SHANK2: variants seen among roughly 807,000 people sequenced by gnomAD.
SHANK2 encodes the protein SH3 and multiple ankyrin repeat domains 2, also known as SH3 and multiple ankyrin repeat domains protein 2.
SHANK2 carries 43 observed loss-of-function variants against 133.7 expected under a neutral mutation model. The ratio of observed to expected loss-of-function variants is 0.32; its 90% CI spans 0.25 to 0.41. The LOEUF (loss-of-function observed/expected upper bound fraction) is 0.41, where lower values mean the gene tolerates loss of function less well. Ranked by LOEUF, SHANK2 falls within the 10% of genes least tolerant of loss-of-function variation. The pLI is 1.00. For missense variants in SHANK2, 1,994 were observed against 2,235.8 expected (o/e 0.89, Z 2.18); for synonymous variants, 1,017 against 952.8 (o/e 1.07, Z -1.24).
At position 70,798,461 on chromosome 11, in the gene SHANK2, G is replaced by A. The variant is rs149996975; in HGVS notation, c.1759C>T (p.Pro587Ser). The change falls in exon 14 of 26, where the codon CCC becomes TCC. Residue 587 changes from proline (P) to serine (S), a missense_variant. Transcript: ENST00000601538. ...AECVEEVQCK[P>S]RDSQAETRAD... ...GCCTTACCTGCCTGGCTGTCCCTGG[G>A]CTTACACTGGACCTCCTCCACGCAC... The A allele has an allele frequency of 7.4e-4, 535 of 718,420 alleles. 1 individual carries two copies. Among genetic ancestry groups the A allele is most frequent in the Admixed American group, 3.5e-3 (174 of 50,024 alleles). The allele number at this position is 718,420 out of a possible 1,614,324, so 44.5% of individuals were successfully genotyped here. A position where few individuals can be genotyped will look rare whatever the true frequency, so the allele number is the denominator to read the frequency against.
At chr11:71,163,799 C>T (rs560059013) in intron 2 of SHANK2, among the ~76,000 whole-genome samples, 137 of 152,306 alleles carry the variant, frequency 9.0e-4, no homozygotes, top group African/African-American at 3.3e-3. Context: ...CATCCTTTCA[C>T]GCAAATCACA....
chr11:70,647,450 G>A (rs2061279601), intron 17 of SHANK2: 1 of 152,262 alleles, frequency 6.6e-6, no homozygotes, highest in African/African-American at 2.4e-5. Flanking sequence ...GATCTTGGAA[G>A]AACAGCCTGG....
At chr11:70,651,143 T>C (rs1420706293) in intron 17 of SHANK2, among the ~76,000 whole-genome samples, 1 of 152,214 alleles carries the variant, frequency 6.6e-6, no homozygotes, top group Non-Finnish European at 1.5e-5. Context: ...GCGGCTCCTC[T>C]CTGCCTCTCT....
intron 15 of SHANK2, among the ~76,000 whole-genome samples, chr11:70,663,783 C>T (rs1255971951): frequency 6.6e-6 from 1 of 152,198 alleles, no homozygotes; most frequent in Non-Finnish European, 1.5e-5. Flanking sequence ...GCCCACTTAC[C>T]CTGCTCAGGG....
chr11:70,538,821 C>T (rs778920427), intron 17 of SHANK2, among the ~76,000 whole-genome samples: 20 of 152,172 alleles, frequency 1.3e-4, no homozygotes, highest in East Asian at 3.9e-4. Context: ...CACGCACAGA[C>T]GGTGGGGAGG....
At chr11:70,677,858 A>C (rs1944932722) in intron 15 of SHANK2, among the ~76,000 whole-genome samples, 1 of 152,202 alleles carries the variant, frequency 6.6e-6, no homozygotes, top group African/African-American at 2.4e-5. Flanking sequence ...TGAGGAAGAC[A>C]CATCTTAAGA....
chr11:70,756,451 C>G (rs964459324), intron 14 of SHANK2, among the ~76,000 whole-genome samples: 3 of 152,152 alleles, frequency 2.0e-5, no homozygotes. Context: ...CAGGTGAAGC[C>G]CCCACGCTGC....
chr11:70,483,159 A>G (rs1555152166), intron 25 of SHANK2, among the ~76,000 whole-genome samples: 1 of 152,146 alleles, frequency 6.6e-6, no homozygotes, highest in Non-Finnish European at 1.5e-5. Flanking sequence ...AGAGTCAGGA[A>G]ACCCCAGCCT....
intron 17 of SHANK2, among the ~76,000 whole-genome samples, chr11:70,510,525 T>G (rs1396591763): frequency 6.6e-6 from 1 of 152,200 alleles, no homozygotes; most frequent in Non-Finnish European, 1.5e-5. Context: ...CTTTCCTGCC[T>G]CTGCCAGCGC....
intron 13 of SHANK2, among the ~76,000 whole-genome samples, chr11:70,803,456 CAAG>C (rs1304751016): frequency 1.1e-4 from 4 of 36,768 alleles, no homozygotes; most frequent in Non-Finnish European, 2.4e-4. Context: ...GGGAAACAAA[CAAG>C]AAGAAGACAA....
intron 15 of SHANK2, chr11:70,661,896 C>A (rs1246322140): frequency 2.3e-6 from 3 of 1,309,872 alleles, no homozygotes; most frequent in Non-Finnish European, 3.2e-6. Flanking sequence ...ATGAGACTTG[C>A]AGGGTGGGGG....
At chr11:70,767,033 C>T (rs532612986) in intron 14 of SHANK2, among the ~76,000 whole-genome samples, 3 of 152,330 alleles carry the variant, frequency 2.0e-5, no homozygotes, top group East Asian at 3.9e-4. Flanking sequence ...GGCACGGACA[C>T]GGGGAGGCAT....
chr11:70,825,856 T>C (rs1037049434), intron 11 of SHANK2, among the ~76,000 whole-genome samples: 4 of 152,240 alleles, frequency 2.6e-5, no homozygotes, highest in Non-Finnish European at 4.4e-5. Flanking sequence ...TTTCCTTCTT[T>C]TAGGCAATCT....
At chr11:70,745,434 C>T (rs1359568891) in intron 14 of SHANK2, among the ~76,000 whole-genome samples, 1 of 152,214 alleles carries the variant, frequency 6.6e-6, no homozygotes, top group Non-Finnish European at 1.5e-5. Context: ...GGCTCACAGT[C>T]CCTCAAAACA....
intron 10 of SHANK2, among the ~76,000 whole-genome samples, chr11:70,947,793 G>A (rs1318663670): frequency 6.6e-6 from 1 of 152,184 alleles, no homozygotes; most frequent in Non-Finnish European, 1.5e-5. Flanking sequence ...ATCTTCATGA[G>A]ATTTTACCAA....
chr11:71,176,185 C>T lies in SHANK2; in HGVS notation c.-12-28847G>A, dbSNP rs1049720743. The stretch of plus-strand genomic sequence containing the variant: ...TAGGCTGAACACTGCCATCATCCCG[C>T]CCAACGAATATTCAAAGCAAGACCC... On this transcript the variant is annotated intron_variant, in intron 2 of 25. Transcript: ENST00000601538. Among the ~76,000 whole-genome samples the T allele has an allele frequency of 1.3e-5, 2 of 152,234 alleles. 1 individual carries two copies. The highest frequency in any genetic ancestry group is 1.3e-4 in the Admixed American group (2 of 15,304).
Position 70,527,660 on chromosome 11 carries a change from G to A in SHANK2, c.2062-24729C>T, listed in dbSNP as rs578216415. On this transcript the variant is annotated intron_variant, in intron 17 of 25. Coordinates refer to ENST00000601538, the MANE Select transcript of SHANK2 (RefSeq NM_012309.5). ...TGAAAGGAGCAGGGGCCCTGAGGCC[G>A]GGCCCCCAAATCTCTCTGGCCATTC... is the stretch of plus-strand genomic sequence containing the variant. Among the ~76,000 whole-genome samples the A allele has an allele frequency of 4.0e-4, 61 of 152,310 alleles. 1 individual carries two copies. The highest frequency in any genetic ancestry group is 7.1e-4 in the Non-Finnish European group (48 of 68,016).
intron 21 of SHANK2, 90 bp from the exon 22 acceptor site, chr11:70,492,555 A>G: frequency 6.5e-7 from 1 of 1,533,494 alleles, no homozygotes; most frequent in Non-Finnish European, 9.0e-7. Flanking sequence ...CAGCCACTCC[A>G]ACATCCAAAA....
intron 17 of SHANK2, among the ~76,000 whole-genome samples, chr11:70,520,386 G>A (rs532411394): frequency 6.6e-5 from 10 of 152,074 alleles, no homozygotes; most frequent in Non-Finnish European, 1.5e-4. Flanking sequence ...TGACAGTTTT[G>A]GCTGCTGGTC....
Sources: allele counts gnomAD v4.1 joint callset (sites outside exome capture counted in the v4.1 genomes callset), GRCh38; gene constraint gnomAD v4.1.1; transcripts MANE v1.5; gene names NCBI Gene and HGNC (gene_info 2026-07-23, HGNC 2026-07-21).